Variants in PACSIN1 observed in about 807,000 individuals in gnomAD.
PACSIN1 encodes the protein protein kinase C and casein kinase substrate in neurons protein 1.
PACSIN1 carries 15 observed loss-of-function variants against 59.5 expected under a neutral mutation model. The ratio of observed to expected loss-of-function variants is 0.25; its 90% confidence interval spans 0.17 to 0.39. PACSIN1 has a LOEUF of 0.39. Ranked by LOEUF, PACSIN1 falls within the 10% of genes least tolerant of loss-of-function variation. PACSIN1 has a pLI of 1.00. For missense variants in PACSIN1, 420 were observed against 580.2 expected, an observed-to-expected ratio of 0.72 and a Z score of 2.84; for synonymous variants, 210 against 220.6, an observed-to-expected ratio of 0.95 and a Z score of 0.42.
intron 1 of PACSIN1, among the ~76,000 whole-genome samples, chr6:34,471,661 C>G (rs948157228): frequency 1.3e-5 from 2 of 152,186 alleles, no homozygotes; most frequent in Non-Finnish European, 2.9e-5. Context: ...AGAACTCTCA[C>G]GTCAGTCGGG....
intron 1 of PACSIN1, among the ~76,000 whole-genome samples, chr6:34,504,138 T>A (rs968675539): frequency 6.6e-6 from 1 of 152,132 alleles, no homozygotes; most frequent in African/African-American, 2.4e-5. Context: ...CCAGTTCAAG[T>A]GAAGTGCAGA....
intron 1 of PACSIN1, among the ~76,000 whole-genome samples, chr6:34,522,044 G>T (rs996465084): frequency 6.6e-6 from 1 of 152,176 alleles, no homozygotes; most frequent in African/African-American, 2.4e-5. Context: ...CTTGGTCTCC[G>T]CAAGAAGAAA....
chr6:34,470,682 T>C (rs1426102786), intron 1 of PACSIN1, among the ~76,000 whole-genome samples: 1 of 152,044 alleles, frequency 6.6e-6, no homozygotes, highest in African/African-American at 2.4e-5. Flanking sequence ...TTCAATTTTA[T>C]TGTAGAGATG....
chr6:34,528,262 A>G (rs1001043824), intron 3 of PACSIN1, among the ~76,000 whole-genome samples: 2 of 152,266 alleles, frequency 1.3e-5, no homozygotes, highest in African/African-American at 4.8e-5. Flanking sequence ...AGCTTCAGCT[A>G]ACATTCCTGG....
rs1439705846 is a variant in PACSIN1, at chr6:34,529,867, G to A, written c.788+26G>A. 1.2e-6 allele frequency: 2 copies of A among 1,605,448 alleles called. No individual in the cohort carries two copies. The highest frequency in any genetic ancestry group is 1.1e-5 in the South Asian group (1 of 89,976). ...GTACCTGGGCATGGCAGGCACCGAGGGCACAGGCACAGCCAGCAGATGGTG... is the reference window on the plus strand; with the variant it reads ...GTACCTGGGCATGGCAGGCACCGAGAGCACAGGCACAGCCAGCAGATGGTG... On this transcript the variant is annotated intron_variant, in intron 6 of 9. Transcript: ENST00000244458. The surrounding 1 kb of genome is among the most constrained non-coding windows in gnomAD (Gnocchi z 6.3).
chr6:34,513,828 G>A (rs1003167701), intron 1 of PACSIN1, among the ~76,000 whole-genome samples: 1 of 152,082 alleles, frequency 6.6e-6, no homozygotes, highest in Non-Finnish European at 1.5e-5. Context: ...TCCCCAGGTG[G>A]GGCGGAGCAG....
At chr6:34,527,259 C>T in intron 2 of PACSIN1, 73 bp from the exon 3 acceptor site, 1 of 1,386,470 alleles carries the variant, frequency 7.2e-7, no homozygotes, top group Non-Finnish European at 9.5e-7. Flanking sequence ...TGGGCGTGGC[C>T]GTGCTGGATG....
intron 1 of PACSIN1, among the ~76,000 whole-genome samples, chr6:34,469,009 C>A (rs1362906711): frequency 6.6e-6 from 1 of 152,152 alleles, no homozygotes; most frequent in Non-Finnish European, 1.5e-5. Flanking sequence ...TTGCACGTAT[C>A]CCCACAGCAA....
intron 1 of PACSIN1, among the ~76,000 whole-genome samples, chr6:34,509,965 T>C (rs1767173592): frequency 6.6e-6 from 1 of 152,262 alleles, no homozygotes. Context: ...TTATGTGTAG[T>C]GGGATCTTTT....
At chr6:34,501,621 G>A (rs1191267162) in intron 1 of PACSIN1, among the ~76,000 whole-genome samples, 1 of 152,220 alleles carries the variant, frequency 6.6e-6, no homozygotes, top group African/African-American at 2.4e-5. Flanking sequence ...CAGAACAGGT[G>A]GGGAGGTTTA....
At chr6:34,504,735 T>C (rs904634374) in intron 1 of PACSIN1, among the ~76,000 whole-genome samples, 14 of 152,200 alleles carry the variant, frequency 9.2e-5, no homozygotes, top group African/African-American at 3.1e-4. Flanking sequence ...TCTTGTATCT[T>C]TCCTTTCGGT....
intron 1 of PACSIN1, among the ~76,000 whole-genome samples, chr6:34,493,314 A>G (rs1766903790): frequency 6.6e-6 from 1 of 152,178 alleles, no homozygotes; most frequent in African/African-American, 2.4e-5. Flanking sequence ...TTAGTCTTTC[A>G]GCTATTGGTG....
At chr6:34,467,144 G>C (rs1766507822) in intron 1 of PACSIN1, among the ~76,000 whole-genome samples, 1 of 152,198 alleles carries the variant, frequency 6.6e-6, no homozygotes, top group Non-Finnish European at 1.5e-5. Flanking sequence ...AGGACTGTCT[G>C]TCAGTGATTT....
intron 1 of PACSIN1, among the ~76,000 whole-genome samples, chr6:34,504,804 T>C (rs1030209213): frequency 1.1e-4 from 17 of 152,316 alleles, no homozygotes; most frequent in African/African-American, 4.1e-4. Flanking sequence ...AAATTCTTAG[T>C]TTCCTTTATC....
rs1254586437 is a variant in PACSIN1, at chr6:34,489,759, C to T, written c.-64+23489C>T. Among the ~76,000 whole-genome samples, 6 of 152,354 alleles carry T rather than the reference C, an allele frequency of 3.9e-5. No individual in the cohort carries two copies. The East Asian group carries it at 9.6e-4, about 25-fold the overall frequency. ...GCCCTAACAGGGGGCCACGATGCCTCTTTGGGTCCCCAGACCAATGTCCAT... is the reference window on the plus strand; with the variant it reads ...GCCCTAACAGGGGGCCACGATGCCTTTTTGGGTCCCCAGACCAATGTCCAT... On this transcript the variant is annotated intron_variant, in intron 1 of 9. Coordinates refer to ENST00000244458, the MANE Select transcript of PACSIN1 (RefSeq NM_020804.5).
At chr6:34,501,340 G>A (rs1189047599) in intron 1 of PACSIN1, among the ~76,000 whole-genome samples, 1 of 152,194 alleles carries the variant, frequency 6.6e-6, no homozygotes, top group Non-Finnish European at 1.5e-5. Context: ...TACCTAAAGG[G>A]TCCCATGGTG....
At position 34,521,941 on chromosome 6, in the gene PACSIN1, G is replaced by C. The variant is rs745667052; in HGVS notation, c.-63-4302G>C. On this transcript the variant is annotated intron_variant, in intron 1 of 9. Transcript: ENST00000244458. The surrounding 1 kb of genome is among the most constrained non-coding windows in gnomAD (Gnocchi z 4.3). ...TCCAGATTATTTGGCTCCAGAGTCT[G>C]GGATGTAATCCTACTCTGCGCTGCA... 1.2e-4 allele frequency among the ~76,000 whole-genome samples: 18 copies of C among 152,312 alleles called. No individual in the cohort carries two copies. Among genetic ancestry groups the C allele is most frequent in the South Asian group, 2.1e-4 (1 of 4,830 alleles).
At chr6:34,508,953 C>T (rs1767158011) in intron 1 of PACSIN1, among the ~76,000 whole-genome samples, 1 of 152,158 alleles carries the variant, frequency 6.6e-6, no homozygotes. Context: ...TTTTTTCCCC[C>T]ATTCAGCAGG....
chr6:34,528,734 C>G lies in PACSIN1; in HGVS notation c.313C>G (p.Leu105Val), dbSNP rs1464495055. 6.2e-7 allele frequency: 1 copy of G among 1,614,078 alleles called. No homozygotes were observed. Among genetic ancestry groups the G allele is most frequent in the Admixed American group, 1.7e-5 (1 of 60,018 alleles). The change falls in exon 4 of 10, where the codon CTG (leucine) becomes GTG (valine). Residue 105 changes from leucine (L) to valine (V), a missense_variant. Coordinates refer to ENST00000244458, the MANE Select transcript of PACSIN1 (RefSeq NM_020804.5). Reference protein sequence around the residue: ...SELHQEVKNNLLNEDLEKVKN... With the variant: ...SELHQEVKNNVLNEDLEKVKN... Reference sequence around the variant, plus strand: ...GCTGCACCAGGAGGTGAAGAACAATCTGCTGAATGAGGACCTGGAGAAGGT... The same window carrying G: ...GCTGCACCAGGAGGTGAAGAACAATGTGCTGAATGAGGACCTGGAGAAGGT...
Sources: gnomAD v4.1 joint callset for allele counts (sites outside exome capture counted in the v4.1 genomes callset) on GRCh38, gnomAD v4.1.1 for gene constraint, Gnocchi (gnomAD v3.1) non-coding constraint, MANE v1.5 for transcripts, NCBI Gene and HGNC (gene_info 2026-07-23, HGNC 2026-07-21) for gene names.